The following KANSL1 variants were observed in gnomAD, a reference collection of about 807,000 sequenced individuals.
KANSL1 encodes MLL1/MLL complex subunit KANSL1.
Under a neutral mutation model 103.6 loss-of-function variants are expected in KANSL1, and 22 were observed. That is an observed-to-expected ratio of 0.21 (90% CI 0.15 to 0.30). The LOEUF (loss-of-function observed/expected upper bound fraction) is 0.30, where lower values mean the gene tolerates loss of function less well. KANSL1 is among the 10% of genes least tolerant of loss of function. The pLI is 1.00. For missense variants in KANSL1, 1,337 were observed against 1,399.8 expected (o/e 0.96, Z 0.72); for synonymous variants, 600 against 527.6 (o/e 1.14, Z -1.88).
chr17:46,066,806 A>G, intron 5 of KANSL1, 74 bp from the exon 6 acceptor site: 1 of 1,109,618 alleles, frequency 9.0e-7, no homozygotes, highest in Non-Finnish European at 1.3e-6. Flanking sequence ...GAAAACACAA[A>G]GAAACAAAGC....
chr17:46,186,202 C>T (rs1443276107), intron 1 of KANSL1, among the ~76,000 whole-genome samples: 5 of 149,756 alleles, frequency 3.3e-5, no homozygotes, highest in Admixed American at 2.0e-4. Flanking sequence ...AGTGAAACCC[C>T]GTCTCTACTA....
intron 7 of KANSL1, chr17:46,045,942 CCTT>C (rs1429593426): frequency 6.6e-6 from 1 of 152,182 alleles, no homozygotes; most frequent in Non-Finnish European, 1.5e-5. Context: ...GGCTTCCTGT[CCTT>C]CTTCAAGTAT....
chr17:46,128,675 G>C (rs2043695016), intron 2 of KANSL1, among the ~76,000 whole-genome samples: 1 of 152,222 alleles, frequency 6.6e-6, no homozygotes, highest in Admixed American at 6.5e-5. Context: ...ATCGAAAATA[G>C]GCGGGAATAT....
chr17:46,058,103 G>A (rs1374489899), intron 6 of KANSL1, among the ~76,000 whole-genome samples: 1 of 152,166 alleles, frequency 6.6e-6, no homozygotes. Flanking sequence ...CAGAGACTAA[G>A]GAAACTGAAA....
chr17:46,173,250 G>A (rs2532267), intron 1 of KANSL1, among the ~76,000 whole-genome samples: 21,939 of 152,140 alleles, frequency 0.14, 2,139 homozygotes, highest in Non-Finnish European at 0.22. Flanking sequence ...CTAGTATGGT[G>A]AGGTTTCTTA....
upstream of KANSL1, among the ~76,000 whole-genome samples, chr17:46,194,394 G>C (rs568376046): frequency 2.8e-4 from 42 of 152,386 alleles, no homozygotes; most frequent in African/African-American, 9.9e-4. Context: ...CGTTACCAGA[G>C]TTGGTTTAAA....
chr17:46,133,534 T>C (rs2147291833), intron 2 of KANSL1, among the ~76,000 whole-genome samples: 2 of 152,298 alleles, frequency 1.3e-5, no homozygotes, highest in South Asian at 4.1e-4. Flanking sequence ...TGCAACCACA[T>C]AAGTGAAAGA....
intron 1 of KANSL1, among the ~76,000 whole-genome samples, chr17:46,186,416 G>GGTTA (rs71138530): frequency 0.15 from 23,115 of 150,874 alleles, 2,578 homozygotes; most frequent in East Asian, 0.42. Flanking sequence ...AAAGGAAACA[G>GGTTA]GTTATTCTGG....
intron 3 of KANSL1, among the ~76,000 whole-genome samples, chr17:46,085,673 G>C (rs191913169): frequency 3.2e-4 from 49 of 152,032 alleles, no homozygotes; most frequent in Admixed American, 2.6e-3. Context: ...TATTTTTTTG[G>C]TAGAGATGGG....
At chr17:46,170,535 T>C (rs1267329602) in intron 2 of KANSL1, 4 of 379,524 alleles carry the variant, frequency 1.1e-5, no homozygotes, top group Non-Finnish European at 1.8e-5. Flanking sequence ...GTCCTATATA[T>C]AGTTTCAAAA....
intron 1 of KANSL1, among the ~76,000 whole-genome samples, chr17:46,212,639 A>G (rs1373172897): frequency 6.6e-6 from 1 of 152,252 alleles, no homozygotes; most frequent in Non-Finnish European, 1.5e-5. Context: ...CACTAATATG[A>G]ATAATGTTAC....
chr17:46,036,795 C>A (rs1201706587), intron 10 of KANSL1, among the ~76,000 whole-genome samples: 2 of 151,972 alleles, frequency 1.3e-5, no homozygotes, highest in African/African-American at 4.8e-5. Flanking sequence ...TCTCCGCTCA[C>A]TGGAACCTCC....
intron 4 of KANSL1, among the ~76,000 whole-genome samples, chr17:46,080,016 A>T (rs2078925851): frequency 6.6e-6 from 1 of 151,724 alleles, no homozygotes; most frequent in African/African-American, 2.4e-5. Context: ...GAGAGAGGGG[A>T]GAGAGAGACA....
At chr17:46,184,916 T>C (rs968231751) in intron 1 of KANSL1, among the ~76,000 whole-genome samples, 28 of 150,272 alleles carry the variant, frequency 1.9e-4, no homozygotes, top group African/African-American at 6.9e-4. Context: ...ATTGGCTCAC[T>C]GCAACCTCCA....
chr17:46,158,843 G>A (rs62060866), intron 2 of KANSL1, among the ~76,000 whole-genome samples: 17,170 of 150,124 alleles, frequency 0.11, no homozygotes, highest in Non-Finnish European at 0.17. Context: ...ACCCGGCCAA[G>A]AGACTTATTT....
At chr17:46,097,411 T>C (rs1291466069) in intron 2 of KANSL1, among the ~76,000 whole-genome samples, 1 of 152,176 alleles carries the variant, frequency 6.6e-6, no homozygotes, top group Non-Finnish European at 1.5e-5. Context: ...AAATAAACAT[T>C]AATAAGGATT....
chr17:46,178,090 T>C (rs975881737), intron 1 of KANSL1, among the ~76,000 whole-genome samples: 2 of 152,200 alleles, frequency 1.3e-5, no homozygotes, highest in African/African-American at 4.8e-5. Context: ...AGTAACATTC[T>C]TAAATTTAAT....
chr17:46,215,062 A>C (rs1284219747), intron 1 of KANSL1: 1 of 152,336 alleles, frequency 6.6e-6, no homozygotes, highest in Non-Finnish European at 1.5e-5. Flanking sequence ...CACTACTGTT[A>C]TTTTGTTTTA....
intron 2 of KANSL1, among the ~76,000 whole-genome samples, chr17:46,123,071 T>C (rs1010513922): frequency 6.6e-6 from 1 of 152,218 alleles, no homozygotes; most frequent in African/African-American, 2.4e-5. Flanking sequence ...GTAAAATAGC[T>C]GAAAGAAAAG....
Sources: allele counts gnomAD v4.1 joint callset (sites outside exome capture counted in the v4.1 genomes callset), GRCh38; gene constraint gnomAD v4.1.1; transcripts MANE v1.5; gene names NCBI Gene and HGNC (gene_info 2026-07-23, HGNC 2026-07-21).